The following SCN11A variants were observed in gnomAD, a reference collection of about 807,000 sequenced individuals.
The protein encoded by SCN11A is sodium channel protein type 11 subunit alpha.
A neutral mutation model predicts 162.2 loss-of-function variants in SCN11A; 122 were observed. The observed-to-expected ratio is 0.75, with a 90% confidence interval of 0.65 to 0.87. SCN11A has a LOEUF of 0.87. Among genes scored for constraint, SCN11A ranks in the 40% least tolerant of loss-of-function variants. The pLI is 0.00. For missense variants in SCN11A, 2,015 were observed against 2,181.6 expected (o/e 0.92, Z 1.52); for synonymous variants, 758 against 751.5 (o/e 1.01, Z -0.14).
At chr3:38,970,678 T>C (rs1466193044) in intron 2 of SCN11A, among the ~76,000 whole-genome samples, 1 of 152,174 alleles carries the variant, frequency 6.6e-6, no homozygotes, top group African/African-American at 2.4e-5. Flanking sequence ...CTGTGACCCA[T>C]GCTCTGGGCA....
chr3:39,016,292 C>G (rs2031286634), intron 2 of SCN11A, among the ~76,000 whole-genome samples: 1 of 152,172 alleles, frequency 6.6e-6, no homozygotes, highest in African/African-American at 2.4e-5. Flanking sequence ...TCTCAGGTAT[C>G]TGGGGTAAGA....
At chr3:38,905,449 C>A in intron 14 of SCN11A, 128 bp from the exon 15 acceptor site, 1 of 985,762 alleles carries the variant, frequency 1.0e-6, no homozygotes, top group Non-Finnish European at 1.5e-6. Flanking sequence ...CTACTCACCT[C>A]GTCTTTACAG....
chr3:38,894,679 G>C lies in SCN11A; in HGVS notation c.2689C>G (p.Leu897Val), dbSNP rs1415851848. 6.2e-7 allele frequency: 1 copy of C among 1,614,154 alleles called. No individual in the cohort carries two copies. Among genetic ancestry groups the C allele is most frequent in the Admixed American group, 1.7e-5 (1 of 60,026 alleles). ...TTTGGTACAGAGGTTAGTATACCAA[G>C]CTCCTCCTGGGTCTCTGAGCCCCTT... Reference protein sequence around the residue: ...MKRGSETQEELGILTSVPKTL... With the variant: ...MKRGSETQEEVGILTSVPKTL... Residue 897 changes from leucine to valine, a missense_variant, in exon 19 of 30, where the codon CTT (leucine) becomes GTT (valine). Leu to Val is a conservative substitution (Grantham distance 32). Coordinates refer to ENST00000302328, the MANE Select transcript of SCN11A (RefSeq NM_001349253.2).
Position 38,895,355 on chromosome 3 carries a change from T to C in SCN11A, c.2404-391A>G, listed in dbSNP as rs549445784. 2.0e-5 allele frequency among the ~76,000 whole-genome samples: 3 copies of C among 152,312 alleles called. No individual in the cohort carries two copies. The South Asian group carries it at 6.2e-4, about 32-fold the overall frequency. On this transcript the variant is annotated intron_variant, in intron 18 of 29. Transcript: ENST00000302328. ...TCCCACAAGGATATGAATCTGATAT[T>C]CAAGCCCAATGTACAGTCCTTTCTT...
At chr3:38,943,025 G>A (rs74665149) in intron 7 of SCN11A, among the ~76,000 whole-genome samples, 10,254 of 152,004 alleles carry the variant, frequency 0.067, 401 homozygotes, top group Middle Eastern at 0.11. Context: ...GGAAGTGTTC[G>A]CAGCAACTTT....
chr3:38,934,233 A>T (rs13091335), intron 7 of SCN11A, among the ~76,000 whole-genome samples: 1 of 152,210 alleles, frequency 6.6e-6, no homozygotes, highest in East Asian at 1.9e-4. Context: ...AGCACTAAAC[A>T]TGGAAAAGAA....
At chr3:38,940,669 T>A (rs1480037277) in intron 7 of SCN11A, among the ~76,000 whole-genome samples, 1 of 150,806 alleles carries the variant, frequency 6.6e-6, no homozygotes, top group Non-Finnish European at 1.5e-5. Context: ...TTCCAAATTA[T>A]TCAAGGATTT....
chr3:38,969,239 T>C (rs1451690959), intron 2 of SCN11A, among the ~76,000 whole-genome samples: 1 of 152,202 alleles, frequency 6.6e-6, no homozygotes, highest in Non-Finnish European at 1.5e-5. Context: ...AAAAAGGATA[T>C]AATTAACTTA....
intron 29 of SCN11A, among the ~76,000 whole-genome samples, chr3:38,848,929 C>T (rs553680213): frequency 1.4e-4 from 22 of 152,212 alleles, no homozygotes; most frequent in Admixed American, 9.2e-4. Flanking sequence ...AAGCGTTGGA[C>T]GGCAGAAATA....
At chr3:38,852,051 A>C (rs1210816324) in intron 28 of SCN11A, among the ~76,000 whole-genome samples, 1 of 152,192 alleles carries the variant, frequency 6.6e-6, no homozygotes, top group Non-Finnish European at 1.5e-5. Context: ...GTCCAAGGGC[A>C]ATGGGCAGGT....
chr3:39,011,281 T>C (rs1294171016), intron 2 of SCN11A, among the ~76,000 whole-genome samples: 1 of 152,230 alleles, frequency 6.6e-6, no homozygotes, highest in African/African-American at 2.4e-5. Flanking sequence ...GTGGGATATA[T>C]TTAAGTGAGG....
At chr3:38,953,252 C>G (rs1440840400) in intron 4 of SCN11A, among the ~76,000 whole-genome samples, 1 of 151,816 alleles carries the variant, frequency 6.6e-6, no homozygotes, top group Non-Finnish European at 1.5e-5. Context: ...CACTGAGGCC[C>G]ATGGGAAGGT....
At chr3:38,864,476 A>G (rs2065011969) in intron 27 of SCN11A, among the ~76,000 whole-genome samples, 1 of 152,172 alleles carries the variant, frequency 6.6e-6, no homozygotes, top group African/African-American at 2.4e-5. Flanking sequence ...GAAATTTTAA[A>G]TTCTATCATC....
At chr3:38,940,620 G>T (rs1317768541) in intron 7 of SCN11A, among the ~76,000 whole-genome samples, 1 of 152,138 alleles carries the variant, frequency 6.6e-6, no homozygotes. Flanking sequence ...ACGGAACTAT[G>T]AAGTCAGATC....
In SCN11A at chr3:38,925,402, G is replaced by C. The variant is rs779662638; in HGVS notation, c.712+13C>G. 6.4e-7 allele frequency: 1 copy of C among 1,564,014 alleles called. No homozygotes were observed. Among genetic ancestry groups the C allele is most frequent in the Non-Finnish European group, 8.8e-7 (1 of 1,134,466 alleles). The stretch of plus-strand genomic sequence containing the variant: ...CTAGATAGGAGCCAGTGTGGAAAGT[G>C]AGAGTGACTTACGTGAAACTACTGA... On this transcript the variant is annotated intron_variant, in intron 9 of 29. Transcript: ENST00000302328.
intron 7 of SCN11A, among the ~76,000 whole-genome samples, chr3:38,936,068 T>C (rs1172904401): frequency 1.3e-5 from 2 of 151,402 alleles, no homozygotes; most frequent in Non-Finnish European, 2.9e-5. Context: ...GTTCAATATA[T>C]GCAAATCAAT....
At position 38,985,509 on chromosome 3, in the gene SCN11A, A is replaced by T. The variant is rs748685788; in HGVS notation, c.-279-25086T>A. Among the ~76,000 whole-genome samples, 3 of 150,910 alleles carry T rather than the reference A, an allele frequency of 2.0e-5. 1 individual carries two copies. Among genetic ancestry groups the T allele is most frequent in the African/African-American group, 5.0e-5 (2 of 40,292 alleles). On this transcript the variant is annotated intron_variant, in intron 2 of 29. Transcript: ENST00000302328. ...AGTGGGGACACTGTTGCAGGAGTGC[A>T]GGCTGGAGGTGACCATGGCTTGGGT...
At chr3:38,871,920 G>A (rs1156878405) in intron 24 of SCN11A, among the ~76,000 whole-genome samples, 6 of 152,138 alleles carry the variant, frequency 3.9e-5, no homozygotes, top group Non-Finnish European at 8.8e-5. Flanking sequence ...ACCTTGAGAA[G>A]TGCCCTGGTG....
At chr3:38,992,185 C>T (rs1338179854) in intron 2 of SCN11A, among the ~76,000 whole-genome samples, 1 of 152,198 alleles carries the variant, frequency 6.6e-6, no homozygotes, top group Non-Finnish European at 1.5e-5. Flanking sequence ...AGTGCAGAAA[C>T]GAAGTCCAAT....
Sources: gnomAD v4.1 joint callset for allele counts (sites outside exome capture counted in the v4.1 genomes callset) on GRCh38, gnomAD v4.1.1 for gene constraint, MANE v1.5 for transcripts, NCBI Gene and HGNC (gene_info 2026-07-23, HGNC 2026-07-21) for gene names.